DCLK1: variants seen among roughly 807,000 people sequenced by gnomAD.
DCLK1 encodes the protein doublecortin like kinase 1.
In DCLK1, 16 loss-of-function variants were observed where a neutral mutation model predicts 86.2. The ratio of observed to expected loss-of-function variants is 0.19; its 90% CI spans 0.13 to 0.28. The LOEUF is 0.28. Among genes scored for constraint, DCLK1 ranks in the 10% least tolerant of loss-of-function variants. The pLI, the probability that DCLK1 is intolerant of heterozygous loss-of-function variation, is 1.00. For missense variants in DCLK1, 590 were observed against 940.2 expected (o/e 0.63, Z 4.87); for synonymous variants, 369 against 370.5 (o/e 1.00, Z 0.05).
intron 4 of DCLK1, among the ~76,000 whole-genome samples, chr13:35,918,892 G>GTTTTGTTTTTTTT (rs1875602662): frequency 1.3e-5 from 1 of 76,310 alleles, no homozygotes; most frequent in Non-Finnish European, 2.5e-5. Flanking sequence ...TTCTGAGTGT[G>GTTTTGTTTTTTTT]TTTTTTTTTT....
chr13:35,933,923 T>C (rs956646990), intron 4 of DCLK1, among the ~76,000 whole-genome samples: 8 of 152,236 alleles, frequency 5.3e-5, no homozygotes, highest in African/African-American at 1.7e-4. Context: ...ATTGTCAAGC[T>C]GCAAATTTTT....
At chr13:36,031,466 CAT>C (rs1882268476) in intron 3 of DCLK1, among the ~76,000 whole-genome samples, 3 of 152,098 alleles carry the variant, frequency 2.0e-5, no homozygotes. Context: ...TATGTACGTA[CAT>C]ATATATGTGT....
At chr13:35,876,215 G>A (rs1335182467) in intron 4 of DCLK1, among the ~76,000 whole-genome samples, 2 of 152,190 alleles carry the variant, frequency 1.3e-5, no homozygotes, top group Non-Finnish European at 2.9e-5. Flanking sequence ...GTAATAGCTT[G>A]GAGGATCATG....
At chr13:35,992,941 C>T (rs1880303458) in intron 3 of DCLK1, among the ~76,000 whole-genome samples, 1 of 152,190 alleles carries the variant, frequency 6.6e-6, no homozygotes, top group Non-Finnish European at 1.5e-5. Context: ...CGATTATACA[C>T]ATGAAGCTAC....
chr13:35,962,022 T>C (rs940925556), intron 3 of DCLK1, among the ~76,000 whole-genome samples: 1 of 152,260 alleles, frequency 6.6e-6, no homozygotes, highest in Non-Finnish European at 1.5e-5. Context: ...AGTGTTATAC[T>C]GCCCTTCAGT....
chr13:36,103,084 G>GTTGT (rs371717197), intron 3 of DCLK1, among the ~76,000 whole-genome samples: 31 of 152,108 alleles, frequency 2.0e-4, no homozygotes, highest in Non-Finnish European at 3.4e-4. Context: ...TGTTGTTATT[G>GTTGT]TTGTTTGTTT....
At chr13:36,005,331 G>A (rs921693054) in intron 3 of DCLK1, among the ~76,000 whole-genome samples, 3 of 152,066 alleles carry the variant, frequency 2.0e-5, no homozygotes, top group Non-Finnish European at 2.9e-5. Context: ...AAATGTATAT[G>A]CAAAAAGAAA....
At chr13:35,895,522 C>T (rs1296289576) in intron 4 of DCLK1, among the ~76,000 whole-genome samples, 7 of 152,092 alleles carry the variant, frequency 4.6e-5, no homozygotes, top group Non-Finnish European at 7.4e-5. Context: ...ATGATGCACA[C>T]GCTAATCTTA....
intron 3 of DCLK1, among the ~76,000 whole-genome samples, chr13:35,981,505 C>G (rs910581111): frequency 6.6e-6 from 1 of 152,096 alleles, no homozygotes; most frequent in Non-Finnish European, 1.5e-5. Context: ...CACCCAGAAT[C>G]CATGGTTTAC....
chr13:36,087,324 T>C (rs1377279435), intron 3 of DCLK1, among the ~76,000 whole-genome samples: 1 of 152,208 alleles, frequency 6.6e-6, no homozygotes, highest in Non-Finnish European at 1.5e-5. Context: ...ACTGTTTACA[T>C]GTCTACACAG....
At chr13:35,963,377 T>C (rs1477211915) in intron 3 of DCLK1, among the ~76,000 whole-genome samples, 2 of 152,214 alleles carry the variant, frequency 1.3e-5, no homozygotes, top group African/African-American at 4.8e-5. Context: ...TACAATTTAC[T>C]AGACACTCTT....
chr13:35,929,802 G>T (rs945425127), intron 4 of DCLK1, among the ~76,000 whole-genome samples: 1 of 150,960 alleles, frequency 6.6e-6, no homozygotes, highest in Non-Finnish European at 1.5e-5. Context: ...TGAGACTCAT[G>T]ATTTCACAGT....
At chr13:35,796,729 C>T (rs1257308974) in intron 15 of DCLK1, among the ~76,000 whole-genome samples, 1 of 152,142 alleles carries the variant, frequency 6.6e-6, no homozygotes. Context: ...TGTTCTTTTT[C>T]CCACACCAGG....
chr13:35,952,716 A>G (rs967463895), intron 3 of DCLK1, among the ~76,000 whole-genome samples: 1 of 152,180 alleles, frequency 6.6e-6, no homozygotes, highest in Non-Finnish European at 1.5e-5. Flanking sequence ...ACTAATTTTC[A>G]GTTTTTACTT....
At chr13:36,092,483 C>CTTTTTTTTTTTTTTTTTTTTTTTTTT (rs71084405) in intron 3 of DCLK1, among the ~76,000 whole-genome samples, 1 of 84,946 alleles carries the variant, frequency 1.2e-5, no homozygotes. Flanking sequence ...GAGGCGTTTT[C>CTTTTTTTTTTTTTTTTTTTTTTTTTT]TTTTTTTTTT....
At chr13:36,029,191 C>T (rs1186982444) in intron 3 of DCLK1, among the ~76,000 whole-genome samples, 2 of 152,188 alleles carry the variant, frequency 1.3e-5, no homozygotes, top group Non-Finnish European at 2.9e-5. Flanking sequence ...GTAACAGTGA[C>T]ACCTACTCTT....
At chr13:36,130,225 A>C (rs1886316749) in intron 1 of DCLK1, among the ~76,000 whole-genome samples, 1 of 152,156 alleles carries the variant, frequency 6.6e-6, no homozygotes, top group Admixed American at 6.6e-5. Context: ...ACGCTGTCCT[A>C]CTTTCCTTTC....
At chr13:36,018,975 T>C (rs1217073195) in intron 3 of DCLK1, among the ~76,000 whole-genome samples, 3 of 152,168 alleles carry the variant, frequency 2.0e-5, no homozygotes, top group Admixed American at 6.5e-5. Context: ...TACAAAATAT[T>C]ATAGACCCAA....
intron 16 of DCLK1, among the ~76,000 whole-genome samples, chr13:35,778,883 C>T (rs953774080): frequency 3.3e-5 from 5 of 152,312 alleles, no homozygotes; most frequent in Middle Eastern, 3.4e-3. Context: ...GTTTTCTTCA[C>T]TTGCCATAAA....
Sources: allele counts gnomAD v4.1 joint callset (sites outside exome capture counted in the v4.1 genomes callset), GRCh38; gene constraint gnomAD v4.1.1; transcripts MANE v1.5; gene names NCBI Gene and HGNC (gene_info 2026-07-23, HGNC 2026-07-21).